The following IPCEF1 variants were observed in gnomAD, a reference collection of about 807,000 sequenced individuals.
IPCEF1 encodes interactor protein for cytohesin exchange factors 1.
In IPCEF1, 31 loss-of-function variants were observed where a neutral mutation model predicts 50.9. The observed-to-expected ratio is 0.61, with a 90% CI of 0.46 to 0.82. IPCEF1 has a LOEUF of 0.82. Ranked by LOEUF, IPCEF1 falls within the 40% of genes least tolerant of loss-of-function variation. The probability of loss-of-function intolerance (pLI) is 0.00; values close to 1 mark genes in which losing one functional copy is unlikely to be tolerated. For missense variants in IPCEF1, 458 were observed against 514.0 expected (o/e 0.89, Z 1.05); for synonymous variants, 181 against 192.0 (o/e 0.94, Z 0.47).
intron 9 of IPCEF1, among the ~76,000 whole-genome samples, chr6:154,201,765 C>T (rs754911948): frequency 1.3e-5 from 2 of 152,142 alleles, no homozygotes; most frequent in African/African-American, 2.4e-5. Flanking sequence ...CATGGTGGCT[C>T]ATGCCTGTAA....
At position 154,348,892 on chromosome 6, in the gene IPCEF1, T is replaced by A. The variant is rs576456933; in HGVS notation, c.-62+7780A>T. 2.0e-5 allele frequency among the ~76,000 whole-genome samples: 3 copies of A among 152,278 alleles called. No homozygotes were observed. In the South Asian group the frequency reaches 6.2e-4, roughly 32 times the overall value. On this transcript the variant is annotated intron_variant, in intron 1 of 11. Coordinates refer to ENST00000367220, the MANE Select transcript of IPCEF1 (RefSeq NM_001130700.2). ...ATCAGTCCATAAAACTATTACAGAT[T>A]TATCCAATAGTGTGCTGTAGTCTGA... is the stretch of plus-strand genomic sequence containing the variant.
chr6:154,257,322 G>A (rs950128030), intron 3 of IPCEF1, among the ~76,000 whole-genome samples: 2 of 152,086 alleles, frequency 1.3e-5, no homozygotes, highest in Admixed American at 6.5e-5. Flanking sequence ...CACATTTAGC[G>A]GAACATTTTT....
At chr6:154,195,234 G>A (rs1204437141) in intron 10 of IPCEF1, among the ~76,000 whole-genome samples, 7 of 141,846 alleles carry the variant, frequency 4.9e-5, no homozygotes, top group South Asian at 2.3e-4. Flanking sequence ...TGCAATCTCC[G>A]CCTCCAGGGT....
intron 10 of IPCEF1, among the ~76,000 whole-genome samples, chr6:154,189,389 G>A (rs929640141): frequency 1.2e-4 from 18 of 152,122 alleles, no homozygotes; most frequent in South Asian, 1.0e-3. Context: ...GTGTATACCC[G>A]TAGAGAAATG....
At chr6:154,241,506 A>G (rs1019583591) in intron 5 of IPCEF1, among the ~76,000 whole-genome samples, 3 of 152,138 alleles carry the variant, frequency 2.0e-5, no homozygotes, top group Admixed American at 2.0e-4. Context: ...CTCAATTTTC[A>G]TATTATTTTC....
intron 3 of IPCEF1, among the ~76,000 whole-genome samples, chr6:154,261,548 T>C (rs1192621248): frequency 6.6e-6 from 1 of 152,194 alleles, no homozygotes; most frequent in Non-Finnish European, 1.5e-5. Flanking sequence ...TAGAACTTGG[T>C]GGATCGATAC....
At chr6:154,241,336 T>C (rs920866389) in intron 5 of IPCEF1, among the ~76,000 whole-genome samples, 1 of 151,650 alleles carries the variant, frequency 6.6e-6, no homozygotes, top group Non-Finnish European at 1.5e-5. Flanking sequence ...GAACTGGTGA[T>C]GCAATGGCAC....
chr6:154,337,544 G>C (rs932207900), intron 1 of IPCEF1, among the ~76,000 whole-genome samples: 1 of 152,176 alleles, frequency 6.6e-6, no homozygotes, highest in Non-Finnish European at 1.5e-5. Context: ...TTACAGGGTA[G>C]GCAAAGAGGC....
chr6:154,354,017 G>C (rs1186179359), intron 1 of IPCEF1, among the ~76,000 whole-genome samples: 8 of 152,176 alleles, frequency 5.3e-5, no homozygotes, highest in Non-Finnish European at 8.8e-5. Flanking sequence ...AGAAATTAGA[G>C]ATTAAATTTT....
In IPCEF1 at chr6:154,322,458, C is replaced by T. The variant is rs532954397; in HGVS notation, c.-61-32702G>A. Among the ~76,000 whole-genome samples the T allele has an allele frequency of 6.6e-5, 10 of 152,138 alleles. No individual in the cohort carries two copies. The East Asian group carries it at 1.7e-3, about 26-fold the overall frequency. On this transcript the variant is annotated intron_variant, in intron 1 of 11. Transcript: ENST00000367220. ...TGCTATCACATACTTCTGCTATCAT[C>T]GTACTGGCAGCATTAACCAATGTAA...
At chr6:154,225,290 G>A (rs1021502433) in intron 5 of IPCEF1, among the ~76,000 whole-genome samples, 1 of 152,110 alleles carries the variant, frequency 6.6e-6, no homozygotes, top group African/African-American at 2.4e-5. Flanking sequence ...TCAAATACAT[G>A]TGCAGCCCTG....
chr6:154,253,985 A>C (rs1277897663), intron 3 of IPCEF1, among the ~76,000 whole-genome samples: 1 of 152,174 alleles, frequency 6.6e-6, no homozygotes, highest in African/African-American at 2.4e-5. Flanking sequence ...ATTCAGAGCT[A>C]TACATTTACT....
At chr6:154,299,986 A>G (rs139712875) in intron 1 of IPCEF1, among the ~76,000 whole-genome samples, 1 of 141,156 alleles carries the variant, frequency 7.1e-6, no homozygotes, top group African/African-American at 2.5e-5. Context: ...ATCAGTTGGC[A>G]TATTACTTTA....
At chr6:154,171,308 C>A (rs1010682848) in intron 10 of IPCEF1, among the ~76,000 whole-genome samples, 1 of 152,124 alleles carries the variant, frequency 6.6e-6, no homozygotes. Context: ...CAGTTGTCCA[C>A]AATACTTCAA....
intron 6 of IPCEF1, 37 bp from the exon 7 acceptor site, chr6:154,221,365 G>C: frequency 6.5e-7 from 1 of 1,536,084 alleles, no homozygotes. Context: ...TAAAAAATTA[G>C]TGTTTATAGT....
chr6:154,317,704 T>C (rs534115434), intron 1 of IPCEF1, among the ~76,000 whole-genome samples: 7 of 151,666 alleles, frequency 4.6e-5, no homozygotes, highest in Non-Finnish European at 7.4e-5. Flanking sequence ...ACACCCACTA[T>C]AATGGGAAAA....
intron 1 of IPCEF1, among the ~76,000 whole-genome samples, chr6:154,295,052 G>C (rs1309629752): frequency 3.3e-5 from 5 of 152,004 alleles, no homozygotes; most frequent in Admixed American, 1.3e-4. Context: ...CAAAAAATTA[G>C]TCGGGTGTGG....
At chr6:154,213,540 T>C (rs1778137635) in intron 8 of IPCEF1, among the ~76,000 whole-genome samples, 1 of 152,218 alleles carries the variant, frequency 6.6e-6, no homozygotes. Context: ...TTTCCATTTC[T>C]AACTAACTCT....
chr6:154,174,726 G>C (rs1235716155), intron 10 of IPCEF1, among the ~76,000 whole-genome samples: 2 of 152,136 alleles, frequency 1.3e-5, no homozygotes, highest in African/African-American at 2.4e-5. Flanking sequence ...AATAATGGGA[G>C]ACTTTAACAC....
Sources: allele counts gnomAD v4.1 joint callset (sites outside exome capture counted in the v4.1 genomes callset), GRCh38; gene constraint gnomAD v4.1.1; transcripts MANE v1.5; gene names NCBI Gene and HGNC (gene_info 2026-07-23, HGNC 2026-07-21).